RAB11FIP4: variants seen among roughly 807,000 people sequenced by gnomAD.
RAB11FIP4 encodes RAB11 family interacting protein 4.
A neutral mutation model predicts 74.3 loss-of-function variants in RAB11FIP4; 23 were observed. The observed-to-expected ratio is 0.31, with a 90% CI of 0.22 to 0.44. RAB11FIP4 has a LOEUF of 0.44. RAB11FIP4 is among the 20% of genes least tolerant of loss of function. The probability of loss-of-function intolerance (pLI) is 1.00; values close to 1 mark genes in which losing one functional copy is unlikely to be tolerated. For synonymous variants in RAB11FIP4, 360 were observed against 359.9 expected (o/e 1.00, Z 0.00); for missense variants, 630 against 863.9 (o/e 0.73, Z 3.39).
In RAB11FIP4 at chr17:31,532,747, C is replaced by T. The variant is rs762916106; in HGVS notation, c.*1015C>T. ...GATTTCAGAATCCTAGCTCCGGGCT[C>T]CACTCGTGTGGCAGCAAGACTGCTT... is the stretch of plus-strand genomic sequence containing the variant. On this transcript the variant is annotated 3_prime_UTR_variant, in exon 15 of 15. Coordinates refer to ENST00000621161, the MANE Select transcript of RAB11FIP4 (RefSeq NM_032932.6). 9.9e-5 allele frequency: 15 copies of T among 152,162 alleles called. No homozygotes were observed. The highest frequency in any genetic ancestry group is 1.6e-4 in the Non-Finnish European group (11 of 68,034). The allele number at this position is 152,162 out of a possible 1,614,324, so 9.4% of individuals were successfully genotyped here.
In RAB11FIP4 at chr17:31,521,274, T is replaced by C. The variant is rs1356038388; in HGVS notation, c.672T>C (p.Asp224=). Residue 224 remains aspartate, a synonymous_variant, in exon 5 of 15, where the codon GAT becomes GAC. Coordinates refer to ENST00000621161, the MANE Select transcript of RAB11FIP4 (RefSeq NM_032932.6). ...EQFEDYGEGD[D]VDCAPSSPCP... Reference sequence around the variant, plus strand: ...TTGAAGACTATGGGGAGGGTGACGATGTGGACTGTGCCCCCAGCAGCCCTT... The same window carrying C: ...TTGAAGACTATGGGGAGGGTGACGACGTGGACTGTGCCCCCAGCAGCCCTT... 1.9e-6 allele frequency: 3 copies of C among 1,613,940 alleles called. No individual in the cohort carries two copies. The highest frequency in any genetic ancestry group is 4.5e-5 in the East Asian group (2 of 44,894).
At chr17:31,402,832 A>G (rs367771315) in intron 1 of RAB11FIP4, among the ~76,000 whole-genome samples, 1,600 of 151,220 alleles carry the variant, frequency 0.011, 18 homozygotes, top group Non-Finnish European at 9.2e-3. Context: ...TCACCGTGTT[A>G]GCCAGGATGG....
chr17:31,402,897 T>A (rs539560050), intron 1 of RAB11FIP4, among the ~76,000 whole-genome samples: 5 of 151,992 alleles, frequency 3.3e-5, no homozygotes, highest in South Asian at 2.1e-4. Context: ...AGTGCTGGGA[T>A]TACAGGCGTG....
chr17:31,459,383 T>C (rs1015881624), intron 3 of RAB11FIP4, among the ~76,000 whole-genome samples: 7 of 152,250 alleles, frequency 4.6e-5, no homozygotes, highest in South Asian at 2.1e-4. Context: ...CCCATCAGGT[T>C]GTAGTTTTCT....
intron 3 of RAB11FIP4, among the ~76,000 whole-genome samples, chr17:31,437,356 C>T: frequency 6.6e-6 from 1 of 152,244 alleles, no homozygotes; most frequent in East Asian, 1.9e-4. Context: ...AGGTCAAGAC[C>T]ACAGCTCTGC....
Position 31,436,781 on chromosome 17 carries a change from GTT to G in RAB11FIP4, c.336+2666_336+2667del, listed in dbSNP as rs1310980251. Among the ~76,000 whole-genome samples, 5 of 30,380 alleles carry G rather than the reference GTT, an allele frequency of 1.6e-4. No individual in the cohort carries two copies. The East Asian group carries it at 3.8e-3, about 23-fold the overall frequency. 19.9% of individuals were successfully genotyped at this position (30,380 alleles called of 152,430 possible). A position where few individuals can be genotyped will look rare whatever the true frequency, so the allele number is the denominator to read the frequency against. ...TTTTTTTTGTTTTTTTTTGTTTTTTGTTTTTTTTGTTTTTTTTGTTTTTTGAG... is the reference window on the plus strand; with the variant it reads ...TTTTTTTTGTTTTTTTTTGTTTTTTGTTTTTTGTTTTTTTTGTTTTTTGAG... On this transcript the variant is annotated intron_variant, in intron 3 of 14. Transcript: ENST00000621161.
intron 1 of RAB11FIP4, among the ~76,000 whole-genome samples, chr17:31,398,754 C>T (rs925966338): frequency 5.3e-5 from 8 of 152,102 alleles, no homozygotes; most frequent in African/African-American, 1.9e-4. Flanking sequence ...GGAAGAAAAC[C>T]AAAGAGGAAA....
At chr17:31,488,166 G>T in intron 3 of RAB11FIP4, 1 of 1,071,448 alleles carries the variant, frequency 9.3e-7, no homozygotes, top group East Asian at 6.4e-5. Flanking sequence ...TGCGCTTCGG[G>T]GCTGCCCGCC....
intron 10 of RAB11FIP4, chr17:31,525,618 C>T (rs568719459): frequency 7.6e-4 from 158 of 208,638 alleles, no homozygotes; most frequent in South Asian, 5.6e-3. Context: ...CTGTGCCTTG[C>T]GTGTACCTGT....
At chr17:31,501,590 G>A (rs879398349) in intron 3 of RAB11FIP4, among the ~76,000 whole-genome samples, 30 of 152,038 alleles carry the variant, frequency 2.0e-4, no homozygotes, top group Non-Finnish European at 1.3e-4. Flanking sequence ...GTGCAGTGGC[G>A]CGATCTCGGC....
At chr17:31,522,108 G>A (rs562764125) in intron 6 of RAB11FIP4, 59 bp downstream of exon 6, 2 of 1,605,758 alleles carry the variant, frequency 1.2e-6, no homozygotes, top group East Asian at 4.5e-5. Context: ...GGGCCTGGAG[G>A]GAGAAGCTAC....
intron 3 of RAB11FIP4, chr17:31,488,361 A>C: frequency 2.9e-6 from 3 of 1,017,172 alleles, no homozygotes; most frequent in East Asian, 1.6e-4. Context: ...AAGTTGGCGG[A>C]GAGCGGACTT....
intron 1 of RAB11FIP4, among the ~76,000 whole-genome samples, chr17:31,395,592 C>T (rs2070921545): frequency 6.6e-6 from 1 of 152,162 alleles, no homozygotes; most frequent in Admixed American, 6.5e-5. Context: ...AAATGCCAGA[C>T]AAATCCCATC....
intron 1 of RAB11FIP4, among the ~76,000 whole-genome samples, chr17:31,423,343 A>G (rs2071217583): frequency 6.6e-6 from 1 of 151,930 alleles, no homozygotes; most frequent in Admixed American, 6.6e-5. Flanking sequence ...AAATCCTCTG[A>G]AGAATGTCAG....
chr17:31,480,549 A>C (rs2071836525), intron 3 of RAB11FIP4, among the ~76,000 whole-genome samples: 1 of 152,116 alleles, frequency 6.6e-6, no homozygotes, highest in Non-Finnish European at 1.5e-5. Context: ...CACCACTTTG[A>C]GGCCGAGGTG....
chr17:31,408,909 G>A (rs1017434616), intron 1 of RAB11FIP4, among the ~76,000 whole-genome samples: 3 of 152,198 alleles, frequency 2.0e-5, no homozygotes, highest in African/African-American at 4.8e-5. Context: ...AGGGAAGGGG[G>A]CCAGCAAGAG....
At chr17:31,503,143 C>T (rs965192828) in intron 3 of RAB11FIP4, among the ~76,000 whole-genome samples, 11 of 152,146 alleles carry the variant, frequency 7.2e-5, no homozygotes, top group African/African-American at 2.4e-4. Context: ...AGTGATTCTC[C>T]TGCCTCAGCC....
At chr17:31,452,288 A>T (rs895843273) in intron 3 of RAB11FIP4, among the ~76,000 whole-genome samples, 1 of 152,094 alleles carries the variant, frequency 6.6e-6, no homozygotes, top group Admixed American at 6.6e-5. Context: ...GCACAAGCAG[A>T]TGGATGAATC....
chr17:31,484,307 G>C (rs2071879725), intron 3 of RAB11FIP4, among the ~76,000 whole-genome samples: 1 of 151,854 alleles, frequency 6.6e-6, no homozygotes, highest in African/African-American at 2.4e-5. Context: ...CTGACCTCAG[G>C]TGATCTGCCC....
Sources: gnomAD v4.1 joint callset for allele counts (sites outside exome capture counted in the v4.1 genomes callset) on GRCh38, gnomAD v4.1.1 for gene constraint, MANE v1.5 for transcripts, NCBI Gene and HGNC (gene_info 2026-07-23, HGNC 2026-07-21) for gene names.